The following LHX4 variants were observed in gnomAD, a reference collection of about 807,000 sequenced individuals.
LHX4 encodes LIM/homeobox protein Lhx4.
Under a neutral mutation model 39.2 loss-of-function variants are expected in LHX4, and 16 were observed. The ratio of observed to expected loss-of-function variants is 0.41; its 90% CI spans 0.28 to 0.62. The LOEUF is 0.62. Among genes scored for constraint, LHX4 ranks in the 20% least tolerant of loss-of-function variants. The pLI, the probability that LHX4 is intolerant of heterozygous loss-of-function variation, is 0.33. For missense variants in LHX4, 439 were observed against 511.9 expected (o/e 0.86, Z 1.37); for synonymous variants, 206 against 198.1 (o/e 1.04, Z -0.33).
rs1225462000 is a variant in LHX4, at chr1:180,232,726, C to T, written c.76+2121C>T. On this transcript the variant is annotated intron_variant, in intron 1 of 5. Coordinates refer to ENST00000263726, the MANE Select transcript of LHX4 (RefSeq NM_033343.4). This position sits in a 1 kb window ranked among gnomAD's most constrained non-coding sequence, Gnocchi z 5.4. ...TAGCCTCCCTTGCAGCACATCTGGC[C>T]TCTGGCTGTTAGGCTGTTGGTGCTG... Among the ~76,000 whole-genome samples, 2 of 152,210 alleles carry T rather than the reference C, an allele frequency of 1.3e-5. No individual in the cohort carries two copies. Among genetic ancestry groups the T allele is most frequent in the African/African-American group, 4.8e-5 (2 of 41,454 alleles).
intron 1 of LHX4, among the ~76,000 whole-genome samples, chr1:180,235,439 A>G (rs1346289483): frequency 1.3e-5 from 2 of 152,126 alleles, no homozygotes; most frequent in South Asian, 4.1e-4. Context: ...CTCCAGACCC[A>G]TTTCGTTCCA....
chr1:180,251,415 T>C (rs1647624934), intron 2 of LHX4, among the ~76,000 whole-genome samples: 1 of 152,216 alleles, frequency 6.6e-6, no homozygotes, highest in Non-Finnish European at 1.5e-5. Flanking sequence ...GGATCCCCAG[T>C]GGAGCCATCA....
chr1:180,250,765 A>G (rs7539244), intron 2 of LHX4, among the ~76,000 whole-genome samples: 61,102 of 151,896 alleles, frequency 0.4, 12,516 homozygotes, highest in South Asian at 0.53. Flanking sequence ...GTTTGGAAAG[A>G]GAGGGTGGAG....
intron 1 of LHX4, among the ~76,000 whole-genome samples, chr1:180,240,731 G>A (rs894542555): frequency 6.6e-6 from 1 of 152,206 alleles, no homozygotes; most frequent in African/African-American, 2.4e-5. Context: ...GGGCAGTTTG[G>A]TCTGCCATGG....
rs1664214580 is a variant in LHX4, at chr1:180,232,921, C to T, written c.76+2316C>T. 6.6e-6 allele frequency among the ~76,000 whole-genome samples: 1 copy of T among 152,192 alleles called. No homozygotes were observed. The highest frequency in any genetic ancestry group is 6.5e-5 in the Admixed American group (1 of 15,282). ...TAGAGGAGGGGAGACAAAAGAAACG[C>T]TCTCCCACAGGGGTCCCTCCAGTCG... On this transcript the variant is annotated intron_variant, in intron 1 of 5. Transcript: ENST00000263726. This position sits in a 1 kb window ranked among gnomAD's most constrained non-coding sequence, Gnocchi z 5.4.
intron 2 of LHX4, among the ~76,000 whole-genome samples, chr1:180,263,462 G>A (rs1046173561): frequency 7.4e-5 from 11 of 147,754 alleles, no homozygotes. Context: ...TGCAGGGCTG[G>A]GCTGGGCCGG....
rs1167227803 is a variant in LHX4, at chr1:180,274,706, CT to C, written c.*128del. 16 of 1,142,236 alleles carry C rather than the reference CT, an allele frequency of 1.4e-5. No individual in the cohort carries two copies. The highest frequency in any genetic ancestry group is 5.9e-4 in the Middle Eastern group (2 of 3,398). The allele number at this position is 1,142,236 out of a possible 1,614,324, so 70.8% of individuals were successfully genotyped here. A position where few individuals can be genotyped will look rare whatever the true frequency, so the allele number is the denominator to read the frequency against. ...ATTTCCATTATTTTCAATGGAAGTC[CT>C]CCGCTGATTCCTAGAAGGCTGTGAG... On this transcript the variant is annotated 3_prime_UTR_variant, in exon 6 of 6. Transcript: ENST00000263726.
intron 2 of LHX4, among the ~76,000 whole-genome samples, chr1:180,264,373 CACATA>C (rs1487063168): frequency 9.0e-5 from 9 of 100,202 alleles, no homozygotes; most frequent in African/African-American, 4.0e-4. Context: ...TATACACACA[CACATA>C]ACACACACAC....
intron 2 of LHX4, among the ~76,000 whole-genome samples, chr1:180,249,909 GAC>G (rs1469953287): frequency 6.8e-6 from 1 of 147,088 alleles, no homozygotes; most frequent in African/African-American, 2.7e-5. Flanking sequence ...GTGTGTGTGT[GAC>G]AGTGTGTGTG....
At chr1:180,258,436 C>T (rs1324711113) in intron 2 of LHX4, among the ~76,000 whole-genome samples, 1 of 152,178 alleles carries the variant, frequency 6.6e-6, no homozygotes, top group Non-Finnish European at 1.5e-5. Context: ...TGGCTTTGAC[C>T]CTGAGTGAGG....
rs914848509 is a variant in LHX4 at position 180,248,537 on chromosome 1, T to G, written c.248+81T>G. 4.0e-6 allele frequency: 6 copies of G among 1,509,948 alleles called. No homozygotes were observed. In the African/African-American group the frequency reaches 8.2e-5, roughly 21 times the overall value. 93.5% of individuals were successfully genotyped at this position (1,509,948 alleles called of 1,614,324 possible). ...AGTGAGGGGGAAGTTTGCAGCAGGGTAGGCCAGGGAGGGTGGAGAGTCCAC... is the reference window on the plus strand; with the variant it reads ...AGTGAGGGGGAAGTTTGCAGCAGGGGAGGCCAGGGAGGGTGGAGAGTCCAC... On this transcript the variant is annotated intron_variant, in intron 2 of 5. Coordinates refer to ENST00000263726, the MANE Select transcript of LHX4 (RefSeq NM_033343.4).
chr1:180,237,127 C>A (rs1308415846), intron 1 of LHX4, among the ~76,000 whole-genome samples: 2 of 151,756 alleles, frequency 1.3e-5, no homozygotes, highest in African/African-American at 4.8e-5. Flanking sequence ...CCAATTTCTT[C>A]TGTCTATCCC....
intron 2 of LHX4, among the ~76,000 whole-genome samples, chr1:180,253,347 T>C (rs1558214545): frequency 6.6e-6 from 1 of 152,244 alleles, no homozygotes; most frequent in African/African-American, 2.4e-5. Flanking sequence ...GCCAGGCAGC[T>C]GCCTTCCTCT....
intron 3 of LHX4, among the ~76,000 whole-genome samples, chr1:180,267,463 C>T (rs1648369466): frequency 6.6e-6 from 1 of 152,272 alleles, no homozygotes; most frequent in Non-Finnish European, 1.5e-5. Flanking sequence ...TCCCCATGCT[C>T]CCCTCGCAAA....
intron 3 of LHX4, among the ~76,000 whole-genome samples, chr1:180,268,044 C>A (rs1648400557): frequency 6.6e-6 from 1 of 152,166 alleles, no homozygotes; most frequent in Non-Finnish European, 1.5e-5. Flanking sequence ...GACCTGGGGC[C>A]TCTGCAAACC....
Position 180,274,269 on chromosome 1 carries a change from G to A in LHX4, c.863G>A (p.Gly288Glu), listed in dbSNP as rs1372831967. 6.2e-7 allele frequency: 1 copy of A among 1,614,208 alleles called. No individual in the cohort carries two copies. Among genetic ancestry groups the A allele is most frequent in the Admixed American group, 1.7e-5 (1 of 60,024 alleles). ...GTTACAGGCGGACAGTTAATGAATG[G>A]GAGCTTCTCCATGGACGGGACAGGA... ...GDVTGGQLMNGSFSMDGTGQS... is the reference protein window; with the variant it reads ...GDVTGGQLMNESFSMDGTGQS... The change falls in exon 6 of 6, where the codon GGG (glycine) becomes GAG (glutamate). Residue 288 changes from glycine to glutamate, a missense_variant. Physicochemically the swap from Gly to Glu is moderately conservative, Grantham distance 98. Transcript: ENST00000263726.
chr1:180,230,696 CCGGGAGGGG>C lies in LHX4; in HGVS notation c.76+93_76+101del, dbSNP rs1376303014. 2.4e-6 allele frequency: 3 copies of C among 1,264,098 alleles called. No homozygotes were observed. Among genetic ancestry groups the C allele is most frequent in the African/African-American group, 2.9e-5 (2 of 67,848 alleles). 78.3% of individuals were successfully genotyped at this position (1,264,098 alleles called of 1,614,324 possible). A position where few individuals can be genotyped will look rare whatever the true frequency, so the allele number is the denominator to read the frequency against. ...GGGCGGGCCGGACGCCGCTCAGGGG[CCGGGAGGGG>C]CTGGCGGCCGGGGCGCAGAGGCGGT... On this transcript the variant is annotated intron_variant, in intron 1 of 5. Coordinates refer to ENST00000263726, the MANE Select transcript of LHX4 (RefSeq NM_033343.4). This position sits in a 1 kb window ranked among gnomAD's most constrained non-coding sequence, Gnocchi z 5.8.
At chr1:180,262,475 G>A (rs1400533352) in intron 2 of LHX4, among the ~76,000 whole-genome samples, 1 of 152,046 alleles carries the variant, frequency 6.6e-6, no homozygotes, top group East Asian at 1.9e-4. Flanking sequence ...GTTTGAGGTC[G>A]TGATTTATGT....
In LHX4 at chr1:180,276,539, G is replaced by C. The variant is rs1307819252; in HGVS notation, c.*1960G>C. The C allele has an allele frequency of 1.3e-5, 2 of 152,170 alleles. No homozygotes were observed. The highest frequency in any genetic ancestry group is 2.9e-5 in the Non-Finnish European group (2 of 68,028). 9.4% of individuals were successfully genotyped at this position (152,170 alleles called of 1,614,324 possible). ...TGTTGTGTTAATCCTAGCCAATTCT[G>C]TGCTATTGGGAATTCTCCAATCATG... is the stretch of plus-strand genomic sequence containing the variant. On this transcript the variant is annotated 3_prime_UTR_variant, in exon 6 of 6. Coordinates refer to ENST00000263726, the MANE Select transcript of LHX4 (RefSeq NM_033343.4).
Sources: gnomAD v4.1 joint callset for allele counts (sites outside exome capture counted in the v4.1 genomes callset) on GRCh38, gnomAD v4.1.1 for gene constraint, Gnocchi (gnomAD v3.1) non-coding constraint, MANE v1.5 for transcripts, NCBI Gene and HGNC (gene_info 2026-07-23, HGNC 2026-07-21) for gene names.